The following TBCEL variants were observed in gnomAD, a reference collection of about 807,000 sequenced individuals.
The protein encoded by TBCEL is tubulin-specific chaperone cofactor E-like protein.
TBCEL carries 15 observed loss-of-function variants against 44.2 expected under a neutral mutation model. That is an observed-to-expected ratio of 0.34 (90% CI 0.23 to 0.52). The LOEUF (loss-of-function observed/expected upper bound fraction) is 0.52. Ranked by LOEUF, TBCEL falls within the 20% of genes least tolerant of loss-of-function variation. The pLI, the probability that TBCEL is intolerant of heterozygous loss-of-function variation, is 0.95. For missense variants in TBCEL, 319 were observed against 506.3 expected (o/e 0.63, Z 3.55); for synonymous variants, 171 against 185.4 (o/e 0.92, Z 0.63).
At chr11:121,056,855 G>C (rs1447227349) in intron 6 of TBCEL, among the ~76,000 whole-genome samples, 1 of 151,572 alleles carries the variant, frequency 6.6e-6, no homozygotes, top group Non-Finnish European at 1.5e-5. Context: ...AAGTTTTAAG[G>C]GTTCTTTGTA....
intron 1 of TBCEL, among the ~76,000 whole-genome samples, chr11:121,032,881 T>C (rs1316576924): frequency 1.3e-5 from 2 of 152,240 alleles, no homozygotes; most frequent in African/African-American, 2.4e-5. Context: ...ACAAAAATGC[T>C]GCAAGTATTG....
At chr11:121,025,184 C>G (rs934138994) in intron 1 of TBCEL, among the ~76,000 whole-genome samples, 3 of 152,146 alleles carry the variant, frequency 2.0e-5, no homozygotes, top group Non-Finnish European at 4.4e-5. Flanking sequence ...GTAGGCAACG[C>G]CTAGGGCTGT....
In TBCEL at chr11:121,045,852, T is replaced by C. The variant is rs189203494; in HGVS notation, c.133+29T>C. The C allele has an allele frequency of 1.9e-4, 296 of 1,531,196 alleles. No homozygotes were observed. In the East Asian group the frequency reaches 3.3e-3, roughly 17 times the overall value. The allele number at this position is 1,531,196 out of a possible 1,614,324, so 94.9% of individuals were successfully genotyped here. On this transcript the variant is annotated intron_variant, in intron 3 of 8. Coordinates refer to ENST00000683345, the MANE Select transcript of TBCEL (RefSeq NM_001363644.2). ...AGAAAGATGGGACCTAAAACACTTA[T>C]TTAGTGGAGCTTACTTAGGATGTTA... is the stretch of plus-strand genomic sequence containing the variant.
intron 8 of TBCEL, among the ~76,000 whole-genome samples, chr11:121,084,329 C>T (rs1008273840): frequency 1.1e-4 from 17 of 152,102 alleles, no homozygotes; most frequent in African/African-American, 4.1e-4. Flanking sequence ...CCATTTTCAT[C>T]TCATTCTGCA....
chr11:121,037,639 C>T (rs1945255910), intron 2 of TBCEL, among the ~76,000 whole-genome samples: 2 of 152,170 alleles, frequency 1.3e-5, no homozygotes. Flanking sequence ...GAAAATTTTT[C>T]ATGGACTATT....
intron 8 of TBCEL, among the ~76,000 whole-genome samples, chr11:121,064,521 G>C (rs966446297): frequency 6.6e-6 from 1 of 152,158 alleles, no homozygotes; most frequent in Non-Finnish European, 1.5e-5. Flanking sequence ...TTTACTTACT[G>C]TTCTGGCCTT....
chr11:121,045,644 A>C (rs374983544), intron 2 of TBCEL, 30 bp from the exon 3 acceptor site: 5 of 1,521,742 alleles, frequency 3.3e-6, no homozygotes, highest in Non-Finnish European at 4.4e-6. Context: ...ACATAATTAC[A>C]TAATTTGATT....
At chr11:121,034,246 A>G (rs1050859039) in intron 1 of TBCEL, among the ~76,000 whole-genome samples, 2 of 152,172 alleles carry the variant, frequency 1.3e-5, no homozygotes, top group African/African-American at 4.8e-5. Flanking sequence ...TGAGTTACTG[A>G]GCAGCACCTA....
chr11:121,038,944 C>T (rs764665670), intron 2 of TBCEL, among the ~76,000 whole-genome samples: 24 of 152,158 alleles, frequency 1.6e-4, no homozygotes, highest in Non-Finnish European at 2.6e-4. Context: ...TAAACAAACT[C>T]TTAGTTGCCC....
chr11:121,089,546 T>TA lies in TBCEL; in HGVS notation c.*2451dup, dbSNP rs764363061. Reference sequence around the variant, plus strand: ...AAAAGGCTATTTGAGCATGTGTACTTATAGATTCATTTGGGTGGCTGAGAA... The same window carrying TA: ...AAAAGGCTATTTGAGCATGTGTACTTAATAGATTCATTTGGGTGGCTGAGAA... On this transcript the variant is annotated 3_prime_UTR_variant, in exon 9 of 9. Transcript: ENST00000683345. The TA allele has an allele frequency of 6.6e-6, 1 of 152,206 alleles. No individual in the cohort carries two copies. Among genetic ancestry groups the TA allele is most frequent in the South Asian group, 2.1e-4 (1 of 4,836 alleles). The allele number at this position is 152,206 out of a possible 1,614,324, so 9.4% of individuals were successfully genotyped here.
rs1330449549 is a variant in TBCEL at position 121,086,116 on chromosome 11, T to A, written c.957-662T>A. 2.0e-5 allele frequency among the ~76,000 whole-genome samples: 3 copies of A among 152,174 alleles called. No homozygotes were observed. In the East Asian group the frequency reaches 5.8e-4, roughly 29 times the overall value. The stretch of plus-strand genomic sequence containing the variant: ...ATGGGAAACATGACTTTGTGGGCCC[T>A]ATTCTCATCTCTGTAATTCACTTTC... On this transcript the variant is annotated intron_variant, in intron 8 of 8. Transcript: ENST00000683345.
chr11:121,037,156 C>T (rs900372639), intron 2 of TBCEL, among the ~76,000 whole-genome samples: 1 of 152,094 alleles, frequency 6.6e-6, no homozygotes, highest in African/African-American at 2.4e-5. Context: ...GTGTAGTATA[C>T]AGTTGAGCAG....
intron 1 of TBCEL, among the ~76,000 whole-genome samples, chr11:121,033,875 T>A (rs1184364017): frequency 4.0e-5 from 6 of 151,536 alleles, no homozygotes; most frequent in Admixed American, 3.3e-4. Flanking sequence ...CCACTCTAGT[T>A]ACCCCATGTA....
chr11:121,044,305 C>A (rs1214793732), intron 2 of TBCEL, among the ~76,000 whole-genome samples: 1 of 151,974 alleles, frequency 6.6e-6, no homozygotes, highest in Non-Finnish European at 1.5e-5. Flanking sequence ...TGTTGTATTC[C>A]CTTCCTTAAA....
intron 1 of TBCEL, among the ~76,000 whole-genome samples, chr11:121,033,624 G>A (rs543549453): frequency 6.6e-6 from 1 of 152,138 alleles, no homozygotes; most frequent in East Asian, 1.9e-4. Context: ...CTATATTCCT[G>A]TATTTTTCAA....
Position 121,060,035 on chromosome 11 carries a change from A to AT in TBCEL, c.912dup (p.Ile305TyrfsTer18). The AT allele has an allele frequency of 1.2e-6, 2 of 1,611,698 alleles. No individual in the cohort carries two copies. The highest frequency in any genetic ancestry group is 8.5e-7 in the Non-Finnish European group (1 of 1,178,548). On this transcript the variant is annotated frameshift_variant, in exon 8 of 9. Coordinates refer to ENST00000683345, the MANE Select transcript of TBCEL (RefSeq NM_001363644.2). LOFTEE classifies it high-confidence loss of function. ...ATGGTGAACGAGAAGATTCTGAGAG[A>AT]TTTTTTATTCGTTACTATGTGGATG...
intron 1 of TBCEL, among the ~76,000 whole-genome samples, chr11:121,024,659 C>T (rs1315804028): frequency 6.6e-6 from 1 of 152,104 alleles, no homozygotes; most frequent in Non-Finnish European, 1.5e-5. Context: ...GTAGATGCCT[C>T]CCAGCTGTTA....
At chr11:121,081,669 G>A (rs1946127727) in intron 8 of TBCEL, among the ~76,000 whole-genome samples, 1 of 152,136 alleles carries the variant, frequency 6.6e-6, no homozygotes, top group Admixed American at 6.5e-5. Context: ...TGAAAGACTA[G>A]GAGAGAATTG....
intron 2 of TBCEL, among the ~76,000 whole-genome samples, chr11:121,043,268 G>A (rs1043096997): frequency 1.3e-5 from 2 of 152,082 alleles, no homozygotes; most frequent in African/African-American, 2.4e-5. Context: ...CCGTTACCAT[G>A]TATAATAAAC....
Sources: allele counts gnomAD v4.1 joint callset (sites outside exome capture counted in the v4.1 genomes callset), GRCh38; gene constraint gnomAD v4.1.1; transcripts MANE v1.5; gene names NCBI Gene and HGNC (gene_info 2026-07-23, HGNC 2026-07-21).